MROH2A: variants seen among roughly 807,000 people sequenced by gnomAD.
MROH2A encodes the protein maestro heat like repeat family member 2A, also known as maestro heat-like repeat-containing protein family member 2A.
MROH2A carries 174 observed loss-of-function variants against 200.4 expected under a neutral mutation model. That is an observed-to-expected ratio of 0.87 (90% CI 0.77 to 0.98). MROH2A has a LOEUF of 0.98. MROH2A is among the 50% of genes least tolerant of loss of function. The pLI is 0.00. For synonymous variants in MROH2A, 829 were observed against 840.4 expected, an observed-to-expected ratio of 0.99 and a Z score of 0.23; for missense variants, 2,045 against 2,139.6, an observed-to-expected ratio of 0.96 and a Z score of 0.87.
intron 8 of MROH2A, 184 bp from the exon 9 acceptor site, chr2:233,795,469 G>A: frequency 2.1e-6 from 2 of 937,940 alleles, no homozygotes; most frequent in Non-Finnish European, 3.2e-6. Context: ...ACAACCTGGG[G>A]GCTGGGTGAA....
chr2:233,818,188 G>A, intron 28 of MROH2A, 63 bp downstream of exon 28: 1 of 1,535,324 alleles, frequency 6.5e-7, no homozygotes. Context: ...GACTCCAGGA[G>A]TATGGGCTGC....
At position 233,809,259 on chromosome 2, in the gene MROH2A, A is replaced by G; in HGVS notation, c.2429A>G (p.His810Arg). The G allele has an allele frequency of 6.5e-7, 1 of 1,550,316 alleles. No individual in the cohort carries two copies. The highest frequency in any genetic ancestry group is 8.7e-7 in the Non-Finnish European group (1 of 1,146,794). Reference sequence around the variant, plus strand: ...CCCATCACCGCTAAGATCATTCACCATTATGTCAGCAGCTGCCAGGTAGCC... The same window carrying G: ...CCCATCACCGCTAAGATCATTCACCGTTATGTCAGCAGCTGCCAGGTAGCC... The part of the protein sequence containing the change: ...DSPITAKIIH[H>R]YVSSCQDICL... Residue 810 changes from histidine to arginine, a missense_variant, in exon 22 of 42, where the codon CAT becomes CGT. Coordinates refer to ENST00000389758, the MANE Select transcript of MROH2A (RefSeq NM_001394639.1).
chr2:233,832,377 G>T (rs1253121548), intron 40 of MROH2A, 98 bp downstream of exon 40: 59 of 1,067,172 alleles, frequency 5.5e-5, no homozygotes, highest in Non-Finnish European at 7.9e-5. Flanking sequence ...TGGGAGGCAT[G>T]TGGCAAGCTG....
Position 233,829,885 on chromosome 2 carries a change from T to C in MROH2A, c.4602+110T>C, listed in dbSNP as rs1185610681. 14 of 1,096,130 alleles carry C rather than the reference T, an allele frequency of 1.3e-5. No homozygotes were observed. The Admixed American group carries it at 4.6e-4, about 36-fold the overall frequency. The allele number at this position is 1,096,130 out of a possible 1,614,324, so 67.9% of individuals were successfully genotyped here. A position where few individuals can be genotyped will look rare whatever the true frequency, so the allele number is the denominator to read the frequency against. On this transcript the variant is annotated intron_variant, in intron 38 of 41. Coordinates refer to ENST00000389758, the MANE Select transcript of MROH2A (RefSeq NM_001394639.1). The stretch of plus-strand genomic sequence containing the variant: ...AGCTGCAAGCTTTTCTCTGCCTCAG[T>C]TGGTTTTCTCTGAGATCCCAGAGGC...
rs115443933 is a variant in MROH2A, at chr2:233,791,277, G to A, written c.571+1263G>A. 2.9e-3 allele frequency among the ~76,000 whole-genome samples: 436 copies of A among 152,230 alleles called. 1 individual carries two copies. Among genetic ancestry groups the A allele is most frequent in the African/African-American group, 0.01 (416 of 41,534 alleles). Reference sequence around the variant, plus strand: ...CCTGGATGGAGAGTACTAGGAGGTGGGTACTTGTGATGGTGGCTGGGCTGG... The same window carrying A: ...CCTGGATGGAGAGTACTAGGAGGTGAGTACTTGTGATGGTGGCTGGGCTGG... On this transcript the variant is annotated intron_variant, in intron 5 of 41. Coordinates refer to ENST00000389758, the MANE Select transcript of MROH2A (RefSeq NM_001394639.1).
intron 22 of MROH2A, among the ~76,000 whole-genome samples, chr2:233,810,142 G>A (rs1264961822): frequency 6.6e-6 from 1 of 152,192 alleles, no homozygotes; most frequent in African/African-American, 2.4e-5. Context: ...CACTGAAGGC[G>A]GCCCCTGAGC....
chr2:233,830,015 C>G (rs28900697), intron 38 of MROH2A, among the ~76,000 whole-genome samples: 12,431 of 152,142 alleles, frequency 0.082, 1,679 homozygotes, highest in African/African-American at 0.28. Context: ...AGCCCCGTGT[C>G]GGGGGACATG....
At chr2:233,812,919 G>A (rs756102793) in intron 24 of MROH2A, among the ~76,000 whole-genome samples, 40 of 152,200 alleles carry the variant, frequency 2.6e-4, no homozygotes, top group Non-Finnish European at 4.9e-4. Flanking sequence ...AAGACACTTT[G>A]GGGGAGCAGG....
intron 3 of MROH2A, among the ~76,000 whole-genome samples, chr2:233,787,613 CATATATACATATATATT>C (rs1701308269): frequency 1.6e-5 from 1 of 61,636 alleles, no homozygotes; most frequent in Non-Finnish European, 2.7e-5. Context: ...TTATATATAT[CATATATACATATATATT>C]ATATATATTA....
At chr2:233,792,318 T>C (rs1324696006) in intron 5 of MROH2A, among the ~76,000 whole-genome samples, 4 of 150,738 alleles carry the variant, frequency 2.7e-5, no homozygotes, top group South Asian at 2.1e-4. Context: ...TAGCTCACTT[T>C]TTTTTTTTTT....
chr2:233,793,124 AGCT>A (rs1701887354), intron 6 of MROH2A, among the ~76,000 whole-genome samples: 1 of 152,182 alleles, frequency 6.6e-6, no homozygotes, highest in Non-Finnish European at 1.5e-5. Context: ...AGAGGGAAGA[AGCT>A]GCAACGGTGA....
At chr2:233,817,521 C>T (rs985589979) in intron 27 of MROH2A, among the ~76,000 whole-genome samples, 14 of 152,186 alleles carry the variant, frequency 9.2e-5, no homozygotes, top group African/African-American at 3.4e-4. Flanking sequence ...CCAAGTCCAA[C>T]ACTCAGTAAC....
chr2:233,810,894 C>T lies in MROH2A; in HGVS notation c.2549C>T (p.Thr850Met), dbSNP rs780601981. 26 of 1,550,276 alleles carry T rather than the reference C, an allele frequency of 1.7e-5. No homozygotes were observed. Among genetic ancestry groups the T allele is most frequent in the South Asian group, 5.9e-5 (5 of 84,052 alleles). ...DLEDFHFAQK[T>M]TLTSIIVAVI... is the part of the protein sequence containing the mutation. The stretch of plus-strand genomic sequence containing the variant: ...GAGGACTTTCACTTTGCCCAGAAGA[C>T]GACTCTTACCAGCATTATAGTGGTA... Residue 850 changes from threonine (T) to methionine (M), a missense_variant, in exon 23 of 42, where the codon ACG becomes ATG. Thr to Met is a moderately conservative substitution (Grantham distance 81). Transcript: ENST00000389758.
chr2:233,800,400 G>T lies in MROH2A; in HGVS notation c.1560+85G>T, dbSNP rs1014445487. ...CACATGCCCAGAATTCCACATCTTT[G>T]CTTCTTCCGTTCCTGCTGTCTGGAG... On this transcript the variant is annotated intron_variant, in intron 14 of 41. Coordinates refer to ENST00000389758, the MANE Select transcript of MROH2A (RefSeq NM_001394639.1). 25 of 791,614 alleles carry T rather than the reference G, an allele frequency of 3.2e-5. No individual in the cohort carries two copies. The Admixed American group carries it at 3.4e-4, about 11-fold the overall frequency. The allele number at this position is 791,614 out of a possible 1,614,324, so 49.0% of individuals were successfully genotyped here.
At position 233,828,521 on chromosome 2, in the gene MROH2A, C is replaced by G. The variant is rs199729348; in HGVS notation, c.4114-109C>G. On this transcript the variant is annotated intron_variant, in intron 35 of 41. Transcript: ENST00000389758. The surrounding 1 kb of genome is among the most constrained non-coding windows in gnomAD (Gnocchi z 4.6). ...AACGGAGGCTCTCAGAGCCCCTCCC[C>G]TCCTGTCCACAGAGCCACCAATCTG... is the stretch of plus-strand genomic sequence containing the variant. 21 of 1,370,744 alleles carry G rather than the reference C, an allele frequency of 1.5e-5. No homozygotes were observed. Among genetic ancestry groups the G allele is most frequent in the Non-Finnish European group, 2.0e-5 (20 of 1,016,142 alleles). The allele number at this position is 1,370,744 out of a possible 1,614,324, so 84.9% of individuals were successfully genotyped here. A position where few individuals can be genotyped will look rare whatever the true frequency, so the allele number is the denominator to read the frequency against.
At position 233,826,559 on chromosome 2, in the gene MROH2A, G is replaced by T. The variant is rs188315366; in HGVS notation, c.4114-2071G>T. 1.7e-4 allele frequency among the ~76,000 whole-genome samples: 26 copies of T among 152,228 alleles called. No homozygotes were observed. The East Asian group carries it at 4.2e-3, about 25-fold the overall frequency. On this transcript the variant is annotated intron_variant, in intron 35 of 41. Transcript: ENST00000389758. ...ACTGGACCCCTTTCTCACACATTAT[G>T]CAAAAATTAACTCAAGATGGATTAA...
upstream of MROH2A, among the ~76,000 whole-genome samples, chr2:233,777,312 G>A (rs566797672): frequency 6.6e-6 from 1 of 152,318 alleles, no homozygotes; most frequent in Admixed American, 6.5e-5. Context: ...GCTGCACACA[G>A]TAGGCGTGCA....
At chr2:233,810,194 C>T (rs1356361329) in intron 22 of MROH2A, among the ~76,000 whole-genome samples, 3 of 152,272 alleles carry the variant, frequency 2.0e-5, no homozygotes, top group East Asian at 1.9e-4. Context: ...TGGCATCTTC[C>T]GTGGTGTATT....
chr2:233,790,891 C>G (rs927908080), intron 5 of MROH2A, among the ~76,000 whole-genome samples: 12 of 152,116 alleles, frequency 7.9e-5, no homozygotes, highest in Non-Finnish European at 2.9e-5. Context: ...AAGAGAGCAG[C>G]CAAATGGGCG....
Sources: allele counts gnomAD v4.1 joint callset (sites outside exome capture counted in the v4.1 genomes callset), GRCh38; gene constraint gnomAD v4.1.1; non-coding constraint Gnocchi (gnomAD v3.1); transcripts MANE v1.5; gene names NCBI Gene and HGNC (gene_info 2026-07-23, HGNC 2026-07-21).